C1orf105: variants seen among roughly 807,000 people sequenced by gnomAD.
C1orf105 encodes uncharacterized protein C1orf105.
A neutral mutation model predicts 20.8 loss-of-function variants in C1orf105; 17 were observed. The observed-to-expected ratio is 0.82, with a 90% CI of 0.56 to 1.23. The LOEUF (loss-of-function observed/expected upper bound fraction) is 1.23. C1orf105 is among the 50% of genes most tolerant of loss of function. C1orf105 has a pLI of 0.00. For synonymous variants in C1orf105, 72 were observed against 72.1 expected (o/e 1.00, Z 0.01); for missense variants, 219 against 213.5 (o/e 1.03, Z -0.16).
intron 1 of C1orf105, among the ~76,000 whole-genome samples, chr1:172,426,633 C>A (rs574401189): frequency 2.1e-3 from 321 of 152,014 alleles, no homozygotes; most frequent in African/African-American, 7.1e-3. Context: ...TCCACTCTAT[C>A]TCAGCTACTC....
At chr1:172,441,709 A>C (rs1647321905) in intron 1 of C1orf105, 1 of 1,518,340 alleles carries the variant, frequency 6.6e-7, no homozygotes, top group Admixed American at 2.2e-5. Flanking sequence ...TTGCTTTAAT[A>C]ATGTAATGGA....
intron 1 of C1orf105, among the ~76,000 whole-genome samples, chr1:172,432,367 G>A (rs2071899297): frequency 6.6e-6 from 1 of 152,162 alleles, no homozygotes; most frequent in Non-Finnish European, 1.5e-5. Context: ...ATACAGGTGG[G>A]TGCCTCTCTG....
chr1:172,435,647 T>C (rs989289449), intron 1 of C1orf105, among the ~76,000 whole-genome samples: 3 of 152,206 alleles, frequency 2.0e-5, no homozygotes, highest in Non-Finnish European at 4.4e-5. Context: ...TCATACTGAA[T>C]GGGCAGAAAC....
Position 172,468,437 on chromosome 1 carries a change from A to C in C1orf105, c.407-12A>C, listed in dbSNP as rs1650216946. 4.4e-6 allele frequency: 7 copies of C among 1,604,982 alleles called. No individual in the cohort carries two copies. The South Asian group carries it at 4.5e-5, about 10-fold the overall frequency. ...GTCCTTATCCTTCTTTCCTTCTTGT[A>C]CTGTCATCCAGAAAGCATTCACTAC... On this transcript the variant is annotated splice_polypyrimidine_tract_variant and intron_variant, in intron 6 of 6. Transcript: ENST00000367727.
intron 4 of C1orf105, among the ~76,000 whole-genome samples, chr1:172,459,492 C>T (rs6683444): frequency 0.89 from 135,133 of 152,168 alleles, 60,393 homozygotes; most frequent in East Asian, 1. Flanking sequence ...CACAATGAGA[C>T]ACACTTTCCA....
At chr1:172,427,911 C>G (rs1354926001) in intron 1 of C1orf105, among the ~76,000 whole-genome samples, 5 of 152,102 alleles carry the variant, frequency 3.3e-5, no homozygotes, top group Admixed American at 1.3e-4. Flanking sequence ...TGAATTTCAT[C>G]TCTCTCAAAC....
intron 1 of C1orf105, among the ~76,000 whole-genome samples, chr1:172,437,548 C>T (rs935420221): frequency 9.8e-5 from 12 of 122,862 alleles, no homozygotes; most frequent in African/African-American, 3.9e-4. Context: ...AACACTTTGA[C>T]ACAGGGTGGG....
chr1:172,450,298 A>C (rs750537696), intron 3 of C1orf105, among the ~76,000 whole-genome samples: 2 of 152,234 alleles, frequency 1.3e-5, no homozygotes, highest in Non-Finnish European at 2.9e-5. Context: ...TCACCCCTGC[A>C]GATTGAAACA....
At chr1:172,425,132 TACTTGATTCTC>T (rs555876177) in intron 1 of C1orf105, among the ~76,000 whole-genome samples, 83 of 152,358 alleles carry the variant, frequency 5.4e-4, no homozygotes, top group African/African-American at 1.9e-3. Context: ...TACTGGATGT[TACTTGATTCTC>T]AATGCCAGTT....
At chr1:172,420,939 T>C (rs1452604795) in intron 1 of C1orf105, 33 bp downstream of exon 1, 3 of 1,578,546 alleles carry the variant, frequency 1.9e-6, no homozygotes, top group Admixed American at 1.7e-5. Context: ...TTCCAATTCT[T>C]TCCTTATGGG....
chr1:172,422,463 G>GA (rs1232949912), intron 1 of C1orf105, among the ~76,000 whole-genome samples: 3 of 152,088 alleles, frequency 2.0e-5, no homozygotes, highest in African/African-American at 7.2e-5. Flanking sequence ...TTTGGACCCT[G>GA]AAAAATCAGT....
intron 1 of C1orf105, among the ~76,000 whole-genome samples, chr1:172,439,492 T>C (rs1182843017): frequency 6.6e-6 from 1 of 152,150 alleles, no homozygotes; most frequent in African/African-American, 2.4e-5. Context: ...CCCTTCATCC[T>C]TGCATCTATC....
rs534200105 is a variant in C1orf105, at chr1:172,423,114, G to A, written c.21+2208G>A. On this transcript the variant is annotated intron_variant, in intron 1 of 6. Transcript: ENST00000367727. ...GGTTTTACCACCTGCTGATTGTAGC[G>A]CCCTAGAGCCTTGAGCGAACATAGA... 3.9e-5 allele frequency among the ~76,000 whole-genome samples: 6 copies of A among 152,294 alleles called. No homozygotes were observed. In the South Asian group the frequency reaches 1.0e-3, roughly 26 times the overall value.
intron 4 of C1orf105, among the ~76,000 whole-genome samples, chr1:172,459,406 A>C (rs1284049433): frequency 6.6e-6 from 1 of 152,144 alleles, no homozygotes; most frequent in African/African-American, 2.4e-5. Context: ...TTCTCTAAAG[A>C]AGATCTACAA....
intron 3 of C1orf105, among the ~76,000 whole-genome samples, chr1:172,455,105 T>C (rs910461650): frequency 6.6e-6 from 1 of 152,206 alleles, no homozygotes; most frequent in Non-Finnish European, 1.5e-5. Context: ...ACCCACAACA[T>C]TGTAATACTG....
At position 172,425,186 on chromosome 1, in the gene C1orf105, CT is replaced by C. The variant is rs564944103; in HGVS notation, c.21+4283del. On this transcript the variant is annotated intron_variant, in intron 1 of 6. Coordinates refer to ENST00000367727, the MANE Select transcript of C1orf105 (RefSeq NM_139240.4). ...TTTGGTGGCAGAAAAGGCCATTTGT[CT>C]TTCTAAGCCCTTTCCTTGGGTACTT... Among the ~76,000 whole-genome samples the C allele has an allele frequency of 2.8e-3, 427 of 152,274 alleles. 3 individuals are homozygous for C. The highest frequency in any genetic ancestry group is 9.7e-3 in the African/African-American group (404 of 41,552).
intron 1 of C1orf105, 44 bp downstream of exon 1, chr1:172,420,950 G>A (rs951689544): frequency 1.3e-6 from 2 of 1,552,436 alleles, no homozygotes; most frequent in Non-Finnish European, 8.9e-7. Flanking sequence ...TCCTTATGGG[G>A]TTACCCTGGT....
chr1:172,432,474 G>C (rs920094344), intron 1 of C1orf105, among the ~76,000 whole-genome samples: 10 of 152,148 alleles, frequency 6.6e-5, no homozygotes, highest in Non-Finnish European at 1.3e-4. Flanking sequence ...AGGCAAACAG[G>C]GTCTGGAGTG....
chr1:172,432,699 C>T (rs186160815), intron 1 of C1orf105, among the ~76,000 whole-genome samples: 33 of 152,328 alleles, frequency 2.2e-4, no homozygotes, highest in African/African-American at 5.5e-4. Context: ...AAAACCAGAG[C>T]GCCTCTTCTC....
Sources: allele counts gnomAD v4.1 joint callset (sites outside exome capture counted in the v4.1 genomes callset), GRCh38; gene constraint gnomAD v4.1.1; transcripts MANE v1.5; gene names NCBI Gene and HGNC (gene_info 2026-07-23, HGNC 2026-07-21).